TTC7B: variants seen among roughly 807,000 people sequenced by gnomAD.
TTC7B encodes tetratricopeptide repeat domain 7B.
A neutral mutation model predicts 106.8 loss-of-function variants in TTC7B; 28 were observed. That is an observed-to-expected ratio of 0.26 (90% CI 0.19 to 0.36). TTC7B has a LOEUF of 0.36. Among genes scored for constraint, TTC7B ranks in the 10% least tolerant of loss-of-function variants. TTC7B has a pLI of 1.00. For synonymous variants in TTC7B, 405 were observed against 430.6 expected, an observed-to-expected ratio of 0.94 and a Z score of 0.74; for missense variants, 862 against 1,076.4, an observed-to-expected ratio of 0.80 and a Z score of 2.79.
intron 1 of TTC7B, among the ~76,000 whole-genome samples, chr14:90,793,072 C>G (rs967250414): frequency 6.6e-6 from 1 of 152,088 alleles, no homozygotes; most frequent in African/African-American, 2.4e-5. Context: ...TGTGTTCTCA[C>G]GAGACCTGAT....
chr14:90,779,901 GA>G (rs750044834), intron 3 of TTC7B, among the ~76,000 whole-genome samples: 2 of 152,182 alleles, frequency 1.3e-5, no homozygotes, highest in Non-Finnish European at 2.9e-5. Context: ...TTAACTAAGA[GA>G]GGACTGATTG....
At chr14:90,588,692 T>G (rs1258145480) in intron 18 of TTC7B, among the ~76,000 whole-genome samples, 1 of 152,152 alleles carries the variant, frequency 6.6e-6, no homozygotes, top group African/African-American at 2.4e-5. Context: ...ATTGTAAAAA[T>G]GGAGAAAATA....
chr14:90,675,393 G>A (rs1296038012), intron 9 of TTC7B, among the ~76,000 whole-genome samples: 1 of 152,160 alleles, frequency 6.6e-6, no homozygotes, highest in African/African-American at 2.4e-5. Context: ...GGGAGAAGGG[G>A]GGTCCAGGAA....
At chr14:90,665,255 T>A (rs1886365403) in intron 9 of TTC7B, among the ~76,000 whole-genome samples, 1 of 152,224 alleles carries the variant, frequency 6.6e-6, no homozygotes, top group Non-Finnish European at 1.5e-5. Context: ...ACCTCTCTAA[T>A]CCCAGATAAC....
intron 4 of TTC7B, among the ~76,000 whole-genome samples, chr14:90,743,532 C>CA (rs1218301177): frequency 6.6e-6 from 1 of 152,188 alleles, no homozygotes; most frequent in Non-Finnish European, 1.5e-5. Flanking sequence ...CTAATCATTT[C>CA]AAACACTCTT....
At chr14:90,741,759 T>C (rs148346135) in intron 4 of TTC7B, among the ~76,000 whole-genome samples, 93 of 152,336 alleles carry the variant, frequency 6.1e-4, no homozygotes, top group Non-Finnish European at 1.1e-3. Flanking sequence ...ACCAAGCCCA[T>C]TGGTCACCTA....
intron 9 of TTC7B, among the ~76,000 whole-genome samples, chr14:90,668,744 A>T (rs1161688984): frequency 6.7e-6 from 1 of 149,636 alleles, no homozygotes; most frequent in Non-Finnish European, 1.5e-5. Flanking sequence ...CACAGGTCTG[A>T]TGTTAAACTA....
chr14:90,544,230 G>C (rs1889728331), intron 19 of TTC7B, among the ~76,000 whole-genome samples: 3 of 152,244 alleles, frequency 2.0e-5, no homozygotes, highest in Admixed American at 2.0e-4. Flanking sequence ...AGGCTTCAGG[G>C]TCAGCTCTAC....
chr14:90,574,101 C>T (rs1443152792), intron 19 of TTC7B, among the ~76,000 whole-genome samples: 1 of 152,170 alleles, frequency 6.6e-6, no homozygotes, highest in Non-Finnish European at 1.5e-5. Flanking sequence ...GTTCTCTGCT[C>T]CTCTGTCCAC....
In TTC7B at chr14:90,657,646, C is replaced by T. The variant is rs1886005185; in HGVS notation, c.1237-368G>A. On this transcript the variant is annotated intron_variant, in intron 10 of 19. Transcript: ENST00000328459. This position sits in a 1 kb window ranked among gnomAD's most constrained non-coding sequence, Gnocchi z 4.2. ...TCTGAATTCACTTAGCTCAAATAAT[C>T]TTCCATCTCAGGCTTCATTCGCTAA... is the stretch of plus-strand genomic sequence containing the variant. Among the ~76,000 whole-genome samples, 1 of 152,236 alleles carries T rather than the reference C, an allele frequency of 6.6e-6. No individual in the cohort carries two copies. The highest frequency in any genetic ancestry group is 1.5e-5 in the Non-Finnish European group (1 of 68,030).
chr14:90,785,231 T>C (rs1216807912), intron 2 of TTC7B, among the ~76,000 whole-genome samples: 2 of 152,052 alleles, frequency 1.3e-5, no homozygotes, highest in Non-Finnish European at 2.9e-5. Context: ...AAAGAAAGCA[T>C]GGCTTCCCGG....
chr14:90,803,968 C>T (rs1471339976), intron 1 of TTC7B, among the ~76,000 whole-genome samples: 1 of 152,188 alleles, frequency 6.6e-6, no homozygotes, highest in Non-Finnish European at 1.5e-5. Flanking sequence ...CAGGCCGGCC[C>T]AGAGGGCTTG....
At chr14:90,605,448 C>G (rs1892598905) in intron 17 of TTC7B, 2 of 669,424 alleles carry the variant, frequency 3.0e-6, no homozygotes, top group Non-Finnish European at 4.0e-6. Flanking sequence ...TCCTTCTGCC[C>G]CAAACAGCTT....
At chr14:90,644,282 CGCG>C in intron 14 of TTC7B, 74 bp from the exon 15 acceptor site, 1 of 1,101,402 alleles carries the variant, frequency 9.1e-7, no homozygotes, top group Non-Finnish European at 1.2e-6. Flanking sequence ...CACACACACG[CGCG>C]AAAGAAGCCA....
chr14:90,600,690 G>A lies in TTC7B; in HGVS notation c.1967-7064C>T, dbSNP rs549206932. Among the ~76,000 whole-genome samples, 10 of 152,328 alleles carry A rather than the reference G, an allele frequency of 6.6e-5. No individual in the cohort carries two copies. Among genetic ancestry groups the A allele is most frequent in the African/African-American group, 2.4e-4 (10 of 41,578 alleles). The stretch of plus-strand genomic sequence containing the variant: ...GACATGTCATCACCGGTGGGCATGC[G>A]GGGCTAGCGCAGCATGCTGCTGGTG... On this transcript the variant is annotated intron_variant, in intron 17 of 19. Coordinates refer to ENST00000328459, the MANE Select transcript of TTC7B (RefSeq NM_001010854.2). The surrounding 1 kb of genome is among the most constrained non-coding windows in gnomAD (Gnocchi z 4.3).
At chr14:90,597,940 C>T (rs776691183) in intron 17 of TTC7B, among the ~76,000 whole-genome samples, 3 of 152,204 alleles carry the variant, frequency 2.0e-5, no homozygotes, top group Non-Finnish European at 4.4e-5. Context: ...GAATATAGGA[C>T]ATATTTCCAA....
intron 6 of TTC7B, among the ~76,000 whole-genome samples, chr14:90,692,890 A>G (rs945828116): frequency 1.5e-4 from 23 of 151,166 alleles, no homozygotes; most frequent in African/African-American, 5.1e-4. Flanking sequence ...TTGAAGGCCA[A>G]CTGAGCTCTT....
intron 18 of TTC7B, among the ~76,000 whole-genome samples, chr14:90,588,915 A>G (rs1268998827): frequency 6.6e-6 from 1 of 151,644 alleles, no homozygotes; most frequent in African/African-American, 2.4e-5. Flanking sequence ...AACCCTTGGA[A>G]GATGTTTACA....
Position 90,536,625 on chromosome 14 carries a change from C to A in TTC7B, c.*4743G>T, listed in dbSNP as rs915118786. On this transcript the variant is annotated 3_prime_UTR_variant, in exon 20 of 20. Coordinates refer to ENST00000328459, the MANE Select transcript of TTC7B (RefSeq NM_001010854.2). ...CACACCCAGCTCCATGTGTGAGCAA[C>A]CCTCTTGGCTCTGTCTTCAGAATCT... 1 of 152,600 alleles carries A rather than the reference C, an allele frequency of 6.6e-6. No individual in the cohort carries two copies. The highest frequency in any genetic ancestry group is 6.5e-5 in the Admixed American group (1 of 15,290). 9.5% of individuals were successfully genotyped at this position (152,600 alleles called of 1,614,324 possible).
Sources: gnomAD v4.1 joint callset for allele counts (sites outside exome capture counted in the v4.1 genomes callset) on GRCh38, gnomAD v4.1.1 for gene constraint, Gnocchi (gnomAD v3.1) non-coding constraint, MANE v1.5 for transcripts, NCBI Gene and HGNC (gene_info 2026-07-23, HGNC 2026-07-21) for gene names.